The following GATAD2A variants were observed in gnomAD, a reference collection of about 807,000 sequenced individuals.
The protein encoded by GATAD2A is GATA zinc finger domain containing 2A, also known as transcriptional repressor p66-alpha.
A neutral mutation model predicts 68.5 loss-of-function variants in GATAD2A; 12 were observed. The ratio of observed to expected loss-of-function variants is 0.18; its 90% CI spans 0.11 to 0.28. The LOEUF (loss-of-function observed/expected upper bound fraction) is 0.28, where lower values mean the gene tolerates loss of function less well. GATAD2A is among the 10% of genes least tolerant of loss of function. The probability of loss-of-function intolerance (pLI) is 1.00; values close to 1 mark genes in which losing one functional copy is unlikely to be tolerated. For missense variants in GATAD2A, 755 were observed against 868.5 expected (o/e 0.87, Z 1.64); for synonymous variants, 410 against 375.3 (o/e 1.09, Z -1.07).
At chr19:19,442,663 G>A (rs2055229844) in intron 1 of GATAD2A, among the ~76,000 whole-genome samples, 2 of 151,830 alleles carry the variant, frequency 1.3e-5, no homozygotes, top group Admixed American at 1.3e-4. Context: ...AGCTGGCTGT[G>A]GTTATACGCA....
At chr19:19,420,395 G>A (rs1302858006) in intron 1 of GATAD2A, among the ~76,000 whole-genome samples, 7 of 144,678 alleles carry the variant, frequency 4.8e-5, no homozygotes, top group Admixed American at 7.0e-5. Context: ...GCAGTGGCGC[G>A]ATCTCGGCTC....
At chr19:19,441,565 T>G (rs1337216945) in intron 1 of GATAD2A, 2 of 154,244 alleles carry the variant, frequency 1.3e-5, no homozygotes, top group Non-Finnish European at 2.9e-5. Flanking sequence ...TTGTTTTTGT[T>G]TTTGTTTTTG....
At chr19:19,484,585 C>T (rs1216758435) in intron 2 of GATAD2A, among the ~76,000 whole-genome samples, 3 of 130,724 alleles carry the variant, frequency 2.3e-5, no homozygotes, top group African/African-American at 3.0e-5. Flanking sequence ...GGCTGGAGTG[C>T]GCAGTGGCAC....
At chr19:19,426,045 C>G (rs1010556839) in intron 1 of GATAD2A, among the ~76,000 whole-genome samples, 3 of 152,194 alleles carry the variant, frequency 2.0e-5, no homozygotes, top group Non-Finnish European at 1.5e-5. Flanking sequence ...ACCTCGGCCT[C>G]CCAAAGTGCT....
At chr19:19,423,888 C>A (rs1266391089) in intron 1 of GATAD2A, among the ~76,000 whole-genome samples, 1 of 152,186 alleles carries the variant, frequency 6.6e-6, no homozygotes, top group Admixed American at 6.5e-5. Context: ...GGATTCGGAT[C>A]TAGGTGGACC....
At position 19,506,226 on chromosome 19, in the gene GATAD2A, GCA is replaced by G; in HGVS notation, c.*754_*755del. 1 of 398,516 alleles carries G rather than the reference GCA, an allele frequency of 2.5e-6. No homozygotes were observed. Among genetic ancestry groups the G allele is most frequent in the Non-Finnish European group, 4.4e-6 (1 of 225,858 alleles). 24.7% of individuals were successfully genotyped at this position (398,516 alleles called of 1,614,324 possible). On this transcript the variant is annotated 3_prime_UTR_variant, in exon 12 of 12. Transcript: ENST00000683918. The stretch of plus-strand genomic sequence containing the variant: ...GCTTGTTCTGGAGACCCCCGCCCCC[GCA>G]CCTTCCAGACTTAGCAGAAGAACAA...
Position 19,506,255 on chromosome 19 carries a change from C to G in GATAD2A, c.*781C>G, listed in dbSNP as rs2060863160. On this transcript the variant is annotated 3_prime_UTR_variant, in exon 12 of 12. Coordinates refer to ENST00000683918, the MANE Select transcript of GATAD2A (RefSeq NM_001384528.1). The stretch of plus-strand genomic sequence containing the variant: ...CTTCCAGACTTAGCAGAAGAACAAA[C>G]TGAAGAACAGACCCAGCCAGAGAAG... 7.5e-6 allele frequency: 3 copies of G among 398,246 alleles called. No homozygotes were observed. The highest frequency in any genetic ancestry group is 3.6e-5 in the East Asian group (1 of 28,072). The allele number at this position is 398,246 out of a possible 1,614,324, so 24.7% of individuals were successfully genotyped here.
intron 1 of GATAD2A, among the ~76,000 whole-genome samples, chr19:19,445,459 GT>G (rs997788269): frequency 1.3e-5 from 2 of 152,138 alleles, no homozygotes; most frequent in Non-Finnish European, 2.9e-5. Flanking sequence ...AAAGTGTGTT[GT>G]TTAGTGGCAT....
intron 1 of GATAD2A, among the ~76,000 whole-genome samples, chr19:19,409,165 C>A (rs896921880): frequency 6.6e-6 from 1 of 152,142 alleles, no homozygotes; most frequent in Non-Finnish European, 1.5e-5. Context: ...CATGTACTGA[C>A]ACCTCAAAGC....
chr19:19,424,529 C>T (rs1243847233), intron 1 of GATAD2A, among the ~76,000 whole-genome samples: 1 of 152,108 alleles, frequency 6.6e-6, no homozygotes, highest in Non-Finnish European at 1.5e-5. Flanking sequence ...TGCGCCTGAC[C>T]TCCACTGAGT....
intron 1 of GATAD2A, among the ~76,000 whole-genome samples, chr19:19,455,759 G>C (rs1209251727): frequency 6.6e-6 from 1 of 152,156 alleles, no homozygotes; most frequent in East Asian, 1.9e-4. Flanking sequence ...CAAGGGTCTG[G>C]AGGGACAGCT....
chr19:19,403,423 C>T (rs1168378390), upstream of GATAD2A, among the ~76,000 whole-genome samples: 1 of 152,156 alleles, frequency 6.6e-6, no homozygotes. Flanking sequence ...CACCTACATA[C>T]CCTGCACCCC....
intron 2 of GATAD2A, among the ~76,000 whole-genome samples, chr19:19,479,404 G>C (rs2058897448): frequency 6.6e-6 from 1 of 152,132 alleles, no homozygotes; most frequent in South Asian, 2.1e-4. Context: ...TATTTTAACC[G>C]AGTTCATACT....
chr19:19,492,729 C>G lies in GATAD2A; in HGVS notation c.534+17C>G. The G allele has an allele frequency of 6.2e-7, 1 of 1,613,616 alleles. No homozygotes were observed. The highest frequency in any genetic ancestry group is 8.5e-7 in the Non-Finnish European group (1 of 1,179,754). On this transcript the variant is annotated intron_variant, in intron 4 of 11. Transcript: ENST00000683918. ...GCCCAGAAGGTGCGTGCCTGTCTCC[C>G]CTCCTTCCTGGGCCAGCAGGAGCGC...
At chr19:19,460,646 TC>T (rs1391256342) in intron 1 of GATAD2A, among the ~76,000 whole-genome samples, 1 of 151,728 alleles carries the variant, frequency 6.6e-6, no homozygotes, top group Non-Finnish European at 1.5e-5. Context: ...TCAAATCTGC[TC>T]CTCCCCATCT....
At chr19:19,434,079 C>T (rs1292678561) in intron 1 of GATAD2A, among the ~76,000 whole-genome samples, 2 of 152,188 alleles carry the variant, frequency 1.3e-5, no homozygotes, top group Non-Finnish European at 2.9e-5. Context: ...GGCCTTCTTT[C>T]ATTTTTCTTG....
intron 11 of GATAD2A, among the ~76,000 whole-genome samples, chr19:19,503,961 C>T (rs1381724187): frequency 6.6e-6 from 1 of 152,186 alleles, no homozygotes; most frequent in Non-Finnish European, 1.5e-5. Flanking sequence ...AATCCCAGCA[C>T]TTTGTGAGGC....
At chr19:19,436,091 C>A in intron 1 of GATAD2A, 1 of 1,101,204 alleles carries the variant, frequency 9.1e-7, no homozygotes, top group Non-Finnish European at 1.3e-6. Flanking sequence ...AGAAACCTTG[C>A]TTGGAAACAC....
intron 2 of GATAD2A, among the ~76,000 whole-genome samples, chr19:19,468,507 A>G (rs2058043817): frequency 1.3e-5 from 2 of 152,262 alleles, no homozygotes; most frequent in African/African-American, 4.8e-5. Flanking sequence ...TGACCTAGAT[A>G]CATCATAGTC....
Sources: allele counts gnomAD v4.1 joint callset (sites outside exome capture counted in the v4.1 genomes callset), GRCh38; gene constraint gnomAD v4.1.1; transcripts MANE v1.5; gene names NCBI Gene and HGNC (gene_info 2026-07-23, HGNC 2026-07-21).